TRHR: variants seen among roughly 807,000 people sequenced by gnomAD.
The protein encoded by TRHR is thyrotropin-releasing hormone receptor.
In TRHR, 14 loss-of-function variants were observed where a neutral mutation model predicts 28.0. That is an observed-to-expected ratio of 0.50 (90% CI 0.33 to 0.78). The LOEUF is 0.78. Ranked by LOEUF, TRHR falls within the 30% of genes least tolerant of loss-of-function variation. The pLI, the probability that TRHR is intolerant of heterozygous loss-of-function variation, is 0.02. For missense variants in TRHR, 438 were observed against 469.5 expected (o/e 0.93, Z 0.62); for synonymous variants, 176 against 171.9 (o/e 1.02, Z -0.18).
intron 2 of TRHR, among the ~76,000 whole-genome samples, chr8:109,107,913 G>A (rs960868014): frequency 3.2e-4 from 49 of 152,114 alleles, no homozygotes; most frequent in African/African-American, 1.1e-3. Flanking sequence ...TAAAACCAAG[G>A]TTTCTGATTT....
intron 2 of TRHR, among the ~76,000 whole-genome samples, chr8:109,094,116 C>T (rs1479356324): frequency 6.6e-6 from 1 of 152,186 alleles, no homozygotes; most frequent in Non-Finnish European, 1.5e-5. Flanking sequence ...ACTCATTCTT[C>T]TCCCCAGGTA....
At chr8:109,098,215 A>G (rs951036902) in intron 2 of TRHR, among the ~76,000 whole-genome samples, 71 of 151,304 alleles carry the variant, frequency 4.7e-4, no homozygotes, top group African/African-American at 1.7e-3. Flanking sequence ...CCGCAGCCTC[A>G]ACTTCCTGGG....
intron 2 of TRHR, among the ~76,000 whole-genome samples, chr8:109,091,135 A>G (rs1811512700): frequency 6.6e-6 from 1 of 152,176 alleles, no homozygotes; most frequent in Non-Finnish European, 1.5e-5. Context: ...TGGAAGAAAG[A>G]CCACTTTGGA....
At chr8:109,105,361 A>G (rs962475781) in intron 2 of TRHR, among the ~76,000 whole-genome samples, 3 of 152,190 alleles carry the variant, frequency 2.0e-5, no homozygotes, top group Non-Finnish European at 4.4e-5. Context: ...GATAGAGGCT[A>G]TATCTGCCCA....
At chr8:109,115,020 A>G (rs1240013293) in intron 2 of TRHR, among the ~76,000 whole-genome samples, 1 of 152,026 alleles carries the variant, frequency 6.6e-6, no homozygotes, top group African/African-American at 2.4e-5. Flanking sequence ...AGATTGTGTC[A>G]TGCTATTTCT....
chr8:109,111,616 A>C (rs989029798), intron 2 of TRHR, among the ~76,000 whole-genome samples: 1 of 152,232 alleles, frequency 6.6e-6, no homozygotes, highest in African/African-American at 2.4e-5. Context: ...TTGCTAATTG[A>C]AAGAATTCTA....
At chr8:109,103,921 A>G (rs1282997597) in intron 2 of TRHR, among the ~76,000 whole-genome samples, 3 of 152,198 alleles carry the variant, frequency 2.0e-5, no homozygotes, top group Non-Finnish European at 4.4e-5. Flanking sequence ...TTTAAAAAAC[A>G]TGAACACTGA....
rs776005715 is a variant in TRHR, at chr8:109,088,112, T to C, written c.600T>C (p.Tyr200=). The C allele has an allele frequency of 1.9e-6, 3 of 1,614,192 alleles. No individual in the cohort carries two copies. Among genetic ancestry groups the C allele is most frequent in the South Asian group, 2.2e-5 (2 of 91,084 alleles). The change falls in exon 2 of 3, where the codon TAT becomes TAC. Residue 200 remains tyrosine, a synonymous_variant. Coordinates refer to ENST00000518632, the MANE Select transcript of TRHR (RefSeq NM_003301.7). ...ACCTAATGGACTTTGGTGTCTTTTA[T>C]GTTGTGCCAATGATCCTGGCTACCG... The part of the protein sequence containing the change: ...PIYLMDFGVF[Y]VVPMILATVL...
chr8:109,108,389 A>G (rs184969749), intron 2 of TRHR, among the ~76,000 whole-genome samples: 4 of 152,270 alleles, frequency 2.6e-5, no homozygotes, highest in Admixed American at 6.5e-5. Flanking sequence ...TTACCAGGCT[A>G]TATAGCCAGA....
chr8:109,087,121 G>T lies in TRHR; in HGVS notation c.-89+238G>T, dbSNP rs143335282. ...GAGGTGTATTCATATTTATTTTTCA[G>T]TTAGCAGATATTTAGTTTTTTTCAA... On this transcript the variant is annotated intron_variant, in intron 1 of 2. Coordinates refer to ENST00000518632, the MANE Select transcript of TRHR (RefSeq NM_003301.7). Among the ~76,000 whole-genome samples, 885 of 152,180 alleles carry T rather than the reference G, an allele frequency of 5.8e-3. 8 individuals are homozygous for T. Among genetic ancestry groups the T allele is most frequent in the African/African-American group, 0.02 (847 of 41,516 alleles).
intron 2 of TRHR, among the ~76,000 whole-genome samples, chr8:109,099,181 G>A (rs780865967): frequency 1.3e-5 from 2 of 152,180 alleles, no homozygotes; most frequent in Non-Finnish European, 2.9e-5. Flanking sequence ...TTTTATGGAG[G>A]AGTTAGAAAT....
At chr8:109,106,726 T>C (rs1331495634) in intron 2 of TRHR, among the ~76,000 whole-genome samples, 1 of 152,122 alleles carries the variant, frequency 6.6e-6, no homozygotes, top group African/African-American at 2.4e-5. Context: ...TGATTAGGAA[T>C]GGAAATGTAA....
intron 2 of TRHR, among the ~76,000 whole-genome samples, chr8:109,117,550 T>C (rs1175191930): frequency 1.3e-5 from 2 of 151,708 alleles, no homozygotes; most frequent in Admixed American, 1.3e-4. Context: ...TGGGAGAATG[T>C]TGACAAGTGT....
intron 2 of TRHR, among the ~76,000 whole-genome samples, chr8:109,098,960 C>T (rs1395831398): frequency 5.3e-5 from 8 of 152,162 alleles, no homozygotes; most frequent in Admixed American, 1.3e-4. Flanking sequence ...ATGGCAGAAA[C>T]GTGATCCTAT....
chr8:109,100,716 T>C (rs1811666608), intron 2 of TRHR, among the ~76,000 whole-genome samples: 1 of 152,078 alleles, frequency 6.6e-6, no homozygotes, highest in African/African-American at 2.4e-5. Context: ...AAGAAACAAA[T>C]GTTATCATAG....
At chr8:109,114,285 C>T (rs1050442271) in intron 2 of TRHR, among the ~76,000 whole-genome samples, 1 of 152,014 alleles carries the variant, frequency 6.6e-6, no homozygotes, top group Non-Finnish European at 1.5e-5. Flanking sequence ...CCTGCAAGCT[C>T]GCTCTCTAAA....
intron 2 of TRHR, among the ~76,000 whole-genome samples, chr8:109,118,075 TTCTC>T (rs1453098668): frequency 6.6e-6 from 1 of 151,892 alleles, no homozygotes; most frequent in African/African-American, 2.4e-5. Flanking sequence ...AGCATTTGCT[TTCTC>T]TCTCTTTCAC....
At chr8:109,102,558 A>G (rs1811693148) in intron 2 of TRHR, among the ~76,000 whole-genome samples, 2 of 152,162 alleles carry the variant, frequency 1.3e-5, no homozygotes, top group Admixed American at 1.3e-4. Context: ...AAAAGAAATA[A>G]GGATGATCAT....
chr8:109,114,983 G>A (rs374605415), intron 2 of TRHR, among the ~76,000 whole-genome samples: 62 of 152,104 alleles, frequency 4.1e-4, no homozygotes, highest in African/African-American at 1.4e-3. Flanking sequence ...CCAATCAAAA[G>A]TATAGTATAA....
Sources: allele counts gnomAD v4.1 joint callset (sites outside exome capture counted in the v4.1 genomes callset), GRCh38; gene constraint gnomAD v4.1.1; transcripts MANE v1.5; gene names NCBI Gene and HGNC (gene_info 2026-07-23, HGNC 2026-07-21).